ZGPAT: variants seen among roughly 807,000 people sequenced by gnomAD.
ZGPAT encodes the protein zinc finger CCCH-type with G patch domain-containing protein.
A neutral mutation model predicts 47.9 loss-of-function variants in ZGPAT; 39 were observed. The ratio of observed to expected loss-of-function variants is 0.81; its 90% confidence interval spans 0.63 to 1.06. ZGPAT has a LOEUF of 1.06. Among genes scored for constraint, ZGPAT ranks in the 50% least tolerant of loss-of-function variants. The pLI, the probability that ZGPAT is intolerant of heterozygous loss-of-function variation, is 0.00. For synonymous variants in ZGPAT, 348 were observed against 292.9 expected (o/e 1.19, Z -1.92); for missense variants, 717 against 681.4 (o/e 1.05, Z -0.58).
At chr20:63,731,874 A>G (rs1173831090) in intron 2 of ZGPAT, among the ~76,000 whole-genome samples, 2 of 152,244 alleles carry the variant, frequency 1.3e-5, no homozygotes, top group East Asian at 1.9e-4. Context: ...TAGCATTTAC[A>G]TCGTATTAGG....
At chr20:63,716,042 C>T (rs2091725128) in intron 2 of ZGPAT, among the ~76,000 whole-genome samples, 1 of 152,114 alleles carries the variant, frequency 6.6e-6, no homozygotes, top group Non-Finnish European at 1.5e-5. Flanking sequence ...TCTGTTTCTT[C>T]TTGAGTCAGT....
At chr20:63,712,615 G>C (rs1370724328) in intron 2 of ZGPAT, among the ~76,000 whole-genome samples, 1 of 152,170 alleles carries the variant, frequency 6.6e-6, no homozygotes, top group Non-Finnish European at 1.5e-5. Context: ...AAGCCTTCTG[G>C]CTGGGTGTGG....
chr20:63,727,532 G>A (rs903786031), intron 2 of ZGPAT, among the ~76,000 whole-genome samples: 3 of 151,914 alleles, frequency 2.0e-5, no homozygotes, highest in Non-Finnish European at 4.4e-5. Flanking sequence ...TTAGCTGGGC[G>A]TAGTAGCTCA....
chr20:63,720,025 A>G (rs2091771141), intron 2 of ZGPAT, among the ~76,000 whole-genome samples: 1 of 152,136 alleles, frequency 6.6e-6, no homozygotes. Flanking sequence ...TACAGATGTG[A>G]GCCACTGTGC....
intron 2 of ZGPAT, among the ~76,000 whole-genome samples, chr20:63,729,034 C>CTTTTTTTTT (rs1054928363): frequency 2.1e-5 from 3 of 139,556 alleles, no homozygotes; most frequent in African/African-American, 5.3e-5. Flanking sequence ...TTCTTTTTTT[C>CTTTTTTTTT]TTTTTTTTTT....
intron 2 of ZGPAT, among the ~76,000 whole-genome samples, chr20:63,731,456 T>G (rs1471058730): frequency 7.2e-6 from 1 of 138,652 alleles, no homozygotes; most frequent in Non-Finnish European, 1.5e-5. Context: ...AGTTGGTCCT[T>G]GGTGTGTATG....
At chr20:63,715,243 T>C (rs1456130689) in intron 2 of ZGPAT, among the ~76,000 whole-genome samples, 2 of 140,642 alleles carry the variant, frequency 1.4e-5, no homozygotes, top group South Asian at 2.4e-4. Flanking sequence ...TTTTTCTTTT[T>C]CTTTTTTTTT....
Position 63,736,085 on chromosome 20 carries a change from G to A in ZGPAT, c.*166G>A, listed in dbSNP as rs2091987883. ...CATCTGGACACTTACTTGCCCACCT[G>A]CCAGTGTCTTGGGCATTTCCTTGGC... On this transcript the variant is annotated 3_prime_UTR_variant, in exon 7 of 7. Coordinates refer to ENST00000355969, the MANE Select transcript of ZGPAT (RefSeq NM_181485.3). 12 of 952,748 alleles carry A rather than the reference G, an allele frequency of 1.3e-5. No individual in the cohort carries two copies. In the South Asian group the frequency reaches 1.7e-4, roughly 14 times the overall value. The allele number at this position is 952,748 out of a possible 1,614,324, so 59.0% of individuals were successfully genotyped here.
At chr20:63,716,507 CTT>C (rs765385271) in intron 2 of ZGPAT, among the ~76,000 whole-genome samples, 1 of 150,932 alleles carries the variant, frequency 6.6e-6, no homozygotes, top group Non-Finnish European at 1.5e-5. Flanking sequence ...TGAGTCATCT[CTT>C]TTCTTCCTCT....
intron 2 of ZGPAT, among the ~76,000 whole-genome samples, chr20:63,716,027 G>C (rs1187922255): frequency 2.0e-5 from 3 of 152,108 alleles, no homozygotes; most frequent in African/African-American, 7.2e-5. Flanking sequence ...GGTCTATTCA[G>C]ATTTTCTGTT....
At chr20:63,722,131 C>G (rs1177306360) in intron 2 of ZGPAT, among the ~76,000 whole-genome samples, 1 of 152,124 alleles carries the variant, frequency 6.6e-6, no homozygotes, top group Non-Finnish European at 1.5e-5. Context: ...CTAGAAAGAT[C>G]CAAATGCATA....
At position 63,721,063 on chromosome 20, in the gene ZGPAT, A is replaced by G. The variant is rs900428662; in HGVS notation, c.584+11899A>G. 2.7e-5 allele frequency among the ~76,000 whole-genome samples: 4 copies of G among 149,536 alleles called. No individual in the cohort carries two copies. In the Admixed American group the frequency reaches 2.8e-4, roughly 10 times the overall value. On this transcript the variant is annotated intron_variant, in intron 2 of 6. Coordinates refer to ENST00000355969, the MANE Select transcript of ZGPAT (RefSeq NM_181485.3). ...CTTTAAATATCTAGTGGCAAAAAGGATAAAGAGGCCGGGCGCAGTGGCTCA... is the reference window on the plus strand; with the variant it reads ...CTTTAAATATCTAGTGGCAAAAAGGGTAAAGAGGCCGGGCGCAGTGGCTCA...
intron 3 of ZGPAT, 51 bp downstream of exon 3, chr20:63,733,403 G>A (rs759740207): frequency 1.9e-6 from 3 of 1,601,980 alleles, no homozygotes; most frequent in African/African-American, 2.7e-5. Flanking sequence ...GGCCCCACGT[G>A]TGTTGTCACT....
At chr20:63,733,184 T>A in intron 2 of ZGPAT, 35 bp from the exon 3 acceptor site, 1 of 1,602,954 alleles carries the variant, frequency 6.2e-7, no homozygotes, top group Non-Finnish European at 8.5e-7. Context: ...TGGTGGCCCA[T>A]GTCTGAGCCC....
chr20:63,732,513 G>A lies in ZGPAT; in HGVS notation c.585-706G>A, dbSNP rs575757724. Among the ~76,000 whole-genome samples the A allele has an allele frequency of 4.1e-4, 42 of 101,426 alleles. No homozygotes were observed. The East Asian group carries it at 8.7e-3, about 21-fold the overall frequency. The allele number at this position is 101,426 out of a possible 152,430, so 66.5% of individuals were successfully genotyped here. A position where few individuals can be genotyped will look rare whatever the true frequency, so the allele number is the denominator to read the frequency against. On this transcript the variant is annotated intron_variant, in intron 2 of 6. Coordinates refer to ENST00000355969, the MANE Select transcript of ZGPAT (RefSeq NM_181485.3). Reference sequence around the variant, plus strand: ...TGTGTGTGGGTGAGGGCACGTGTGCGCGCGTGTGGGTGAGATGGCGTGTGC... The same window carrying A: ...TGTGTGTGGGTGAGGGCACGTGTGCACGCGTGTGGGTGAGATGGCGTGTGC...
intron 2 of ZGPAT, among the ~76,000 whole-genome samples, chr20:63,726,891 C>G (rs536907432): frequency 1.3e-5 from 2 of 152,292 alleles, no homozygotes; most frequent in African/African-American, 4.8e-5. Context: ...ACAGAGATTT[C>G]ACATATACTC....
At chr20:63,730,786 A>T in intron 2 of ZGPAT, among the ~76,000 whole-genome samples, 1 of 152,066 alleles carries the variant, frequency 6.6e-6, no homozygotes, top group African/African-American at 2.4e-5. Context: ...CTGGCCCCTC[A>T]GTTGCTTTTG....
Position 63,708,586 on chromosome 20 carries a change from C to G in ZGPAT, c.6C>G (p.Asp2Glu). M[D>E]EESLESALQT... ...CAGCGCCTCCCTCTCTCAGCATGGACGAGGAGAGCCTGGAGTCGGCCTTGC... is the reference window on the plus strand; with the variant it reads ...CAGCGCCTCCCTCTCTCAGCATGGAGGAGGAGAGCCTGGAGTCGGCCTTGC... Residue 2 changes from aspartate (D) to glutamate (E), a missense_variant, in exon 2 of 7, where the codon GAC (aspartate) becomes GAG (glutamate). Coordinates refer to ENST00000355969, the MANE Select transcript of ZGPAT (RefSeq NM_181485.3). 3 of 1,597,046 alleles carry G rather than the reference C, an allele frequency of 1.9e-6. No individual in the cohort carries two copies. Among genetic ancestry groups the G allele is most frequent in the Non-Finnish European group, 2.6e-6 (3 of 1,169,212 alleles).
chr20:63,734,584 G>T, intron 4 of ZGPAT, 121 bp from the exon 5 acceptor site: 1 of 1,520,658 alleles, frequency 6.6e-7, no homozygotes, highest in South Asian at 1.3e-5. Context: ...GTCAAAGCCC[G>T]GGTCACCATG....
Sources: allele counts gnomAD v4.1 joint callset (sites outside exome capture counted in the v4.1 genomes callset), GRCh38; gene constraint gnomAD v4.1.1; transcripts MANE v1.5; gene names NCBI Gene and HGNC (gene_info 2026-07-23, HGNC 2026-07-21).